MICU1: variants seen among roughly 807,000 people sequenced by gnomAD.
MICU1 encodes the protein mitochondrial calcium uptake 1, also known as calcium uptake protein 1, mitochondrial.
A neutral mutation model predicts 56.8 loss-of-function variants in MICU1; 45 were observed. That is an observed-to-expected ratio of 0.79 (90% CI 0.62 to 1.02). The LOEUF (loss-of-function observed/expected upper bound fraction) is 1.02, where lower values mean the gene tolerates loss of function less well. Ranked by LOEUF, MICU1 falls within the 50% of genes least tolerant of loss-of-function variation. The pLI is 0.00. For synonymous variants in MICU1, 186 were observed against 195.1 expected (o/e 0.95, Z 0.39); for missense variants, 504 against 587.1 (o/e 0.86, Z 1.46).
rs184350101 is a variant in MICU1 at position 72,621,748 on chromosome 10, G to C, written c.-2+4262C>G. Among the ~76,000 whole-genome samples the C allele has an allele frequency of 5.9e-3, 895 of 152,110 alleles. 8 individuals are homozygous for C. Among genetic ancestry groups the C allele is most frequent in the African/African-American group, 0.021 (851 of 41,484 alleles). On this transcript the variant is annotated intron_variant, in intron 1 of 11. Coordinates refer to ENST00000361114, the MANE Select transcript of MICU1 (RefSeq NM_001195518.2). ...AGTTATAAAACCTGAATATTCCAGA[G>C]CAGGGGTACTAAACATGTAATAACA...
chr10:72,511,482 C>T (rs940300594), intron 5 of MICU1, among the ~76,000 whole-genome samples: 1 of 152,248 alleles, frequency 6.6e-6, no homozygotes, highest in Admixed American at 6.5e-5. Context: ...AACCACTGTT[C>T]ATAAAGAAAT....
intron 10 of MICU1, among the ~76,000 whole-genome samples, chr10:72,401,668 G>A (rs537030524): frequency 6.6e-5 from 10 of 152,072 alleles, no homozygotes; most frequent in African/African-American, 1.4e-4. Context: ...AAACAAAAAC[G>A]AAAACAAAAC....
intron 1 of MICU1, among the ~76,000 whole-genome samples, chr10:72,613,269 A>ATTTTTTTT (rs34740619): frequency 7.7e-6 from 1 of 129,370 alleles, no homozygotes; most frequent in African/African-American, 3.0e-5. Flanking sequence ...TTTACCCCTA[A>ATTTTTTTT]TTTTTTTTTT....
chr10:72,577,767 T>C (rs1284481022), intron 1 of MICU1, among the ~76,000 whole-genome samples: 2 of 152,192 alleles, frequency 1.3e-5, no homozygotes, highest in South Asian at 2.1e-4. Flanking sequence ...TGGATTGCTA[T>C]GATCTCATGG....
chr10:72,502,158 G>GTTTTTTTTTTTTTTTTT (rs1256587038), intron 6 of MICU1, among the ~76,000 whole-genome samples: 1 of 131,842 alleles, frequency 7.6e-6, no homozygotes, highest in Non-Finnish European at 1.5e-5. Flanking sequence ...TTTTTTTTTT[G>GTTTTTTTTTTTTTTTTT]TTTTTTTTTT....
chr10:72,397,152 T>C (rs1863294861), intron 10 of MICU1, among the ~76,000 whole-genome samples: 1 of 152,156 alleles, frequency 6.6e-6, no homozygotes, highest in Non-Finnish European at 1.5e-5. Flanking sequence ...AAAATAATTT[T>C]CAACCCAGAA....
intron 8 of MICU1, among the ~76,000 whole-genome samples, chr10:72,430,028 G>A (rs1038129826): frequency 1.3e-5 from 2 of 152,082 alleles, no homozygotes; most frequent in Non-Finnish European, 2.9e-5. Flanking sequence ...CCTGGTTACT[G>A]GAAAGCTTAT....
intron 8 of MICU1, among the ~76,000 whole-genome samples, chr10:72,460,603 C>A (rs1209037445): frequency 6.6e-6 from 1 of 152,066 alleles, no homozygotes; most frequent in East Asian, 1.9e-4. Context: ...TAATTTATGA[C>A]CCTTTAAAGT....
intron 1 of MICU1, among the ~76,000 whole-genome samples, chr10:72,608,786 A>C (rs1449646171): frequency 6.6e-6 from 1 of 152,198 alleles, no homozygotes; most frequent in Non-Finnish European, 1.5e-5. Context: ...TACTCTTGTA[A>C]CAAGTACCCA....
At chr10:72,411,415 C>T (rs76189391) in intron 9 of MICU1, among the ~76,000 whole-genome samples, 1 of 151,928 alleles carries the variant, frequency 6.6e-6, no homozygotes, top group Non-Finnish European at 1.5e-5. Flanking sequence ...GCAAGTTCCG[C>T]CTCCCGGGTT....
At chr10:72,536,248 C>T (rs1839631958) in intron 4 of MICU1, among the ~76,000 whole-genome samples, 1 of 151,954 alleles carries the variant, frequency 6.6e-6, no homozygotes. Context: ...TGCTAATTAC[C>T]CTTATCTAAT....
Position 72,590,585 on chromosome 10 carries a change from C to T in MICU1, c.-1-23791G>A, listed in dbSNP as rs566482622. Reference sequence around the variant, plus strand: ...CAGCACTTTGGGAGGCCGAGGTGGGCGGATCACGAGGTCAGGAGTTCGAGA... The same window carrying T: ...CAGCACTTTGGGAGGCCGAGGTGGGTGGATCACGAGGTCAGGAGTTCGAGA... On this transcript the variant is annotated intron_variant, in intron 1 of 11. Transcript: ENST00000361114. 1.6e-4 allele frequency among the ~76,000 whole-genome samples: 24 copies of T among 151,956 alleles called. No homozygotes were observed. The East Asian group carries it at 4.4e-3, about 28-fold the overall frequency.
chr10:72,514,112 C>G (rs1191745253), intron 5 of MICU1, among the ~76,000 whole-genome samples: 1 of 151,880 alleles, frequency 6.6e-6, no homozygotes, highest in East Asian at 1.9e-4. Context: ...TCTGCCTGCT[C>G]AAGTTTGCTG....
chr10:72,590,454 G>A (rs1229960261), intron 1 of MICU1, among the ~76,000 whole-genome samples: 1 of 152,128 alleles, frequency 6.6e-6, no homozygotes, highest in Non-Finnish European at 1.5e-5. Context: ...TAGAATAATA[G>A]GTAGAGACTG....
chr10:72,567,793 C>T (rs547446784), intron 1 of MICU1, among the ~76,000 whole-genome samples: 2 of 152,220 alleles, frequency 1.3e-5, no homozygotes, highest in African/African-American at 4.8e-5. Context: ...CCACAAAGGG[C>T]ACACTAGACT....
intron 1 of MICU1, among the ~76,000 whole-genome samples, chr10:72,592,401 A>C (rs1243737687): frequency 6.6e-6 from 1 of 152,190 alleles, no homozygotes; most frequent in African/African-American, 2.4e-5. Flanking sequence ...CTAAACATTT[A>C]AAGAAAAACT....
At chr10:72,603,165 T>A (rs1841588137) in intron 1 of MICU1, among the ~76,000 whole-genome samples, 1 of 151,758 alleles carries the variant, frequency 6.6e-6, no homozygotes, top group Admixed American at 6.6e-5. Context: ...AGGCGGGTGA[T>A]CACCTGAGGT....
At chr10:72,457,449 T>C (rs1402854946) in intron 8 of MICU1, among the ~76,000 whole-genome samples, 1 of 151,190 alleles carries the variant, frequency 6.6e-6, no homozygotes, top group Non-Finnish European at 1.5e-5. Context: ...TCGAACTCTA[T>C]AGACTCAAGT....
intron 1 of MICU1, among the ~76,000 whole-genome samples, chr10:72,600,584 G>C (rs1841500735): frequency 6.7e-6 from 1 of 149,712 alleles, no homozygotes; most frequent in Non-Finnish European, 1.5e-5. Context: ...AGGAGGTGGA[G>C]GTTTCAGTGA....
Sources: allele counts gnomAD v4.1 joint callset (sites outside exome capture counted in the v4.1 genomes callset), GRCh38; gene constraint gnomAD v4.1.1; transcripts MANE v1.5; gene names NCBI Gene and HGNC (gene_info 2026-07-23, HGNC 2026-07-21).